The following CYSLTR2 variants were observed in gnomAD, a reference collection of about 807,000 sequenced individuals.
CYSLTR2 encodes cysteinyl leukotriene receptor 2, also known as G-protein coupled receptor GPCR21.
For missense variants in CYSLTR2, 398 were observed against 411.9 expected, an observed-to-expected ratio of 0.97 and a Z score of 0.29; for synonymous variants, 179 against 160.8, an observed-to-expected ratio of 1.11 and a Z score of -0.86.
intron 1 of CYSLTR2, among the ~76,000 whole-genome samples, chr13:48,662,285 C>G (rs1486847569): frequency 2.0e-5 from 3 of 152,152 alleles, no homozygotes; most frequent in Non-Finnish European, 4.4e-5. Context: ...GATTCCATAA[C>G]TTGGCTATTG....
intron 1 of CYSLTR2, among the ~76,000 whole-genome samples, chr13:48,662,280 C>T (rs1445253766): frequency 6.6e-6 from 1 of 152,134 alleles, no homozygotes; most frequent in Non-Finnish European, 1.5e-5. Flanking sequence ...AGGTTGATTC[C>T]ATAACTTGGC....
At chr13:48,688,084 A>G (rs542300586) in intron 1 of CYSLTR2, among the ~76,000 whole-genome samples, 5 of 152,292 alleles carry the variant, frequency 3.3e-5, no homozygotes, top group Admixed American at 3.3e-4. Flanking sequence ...CTCAAGGATC[A>G]GAGTTTGCTG....
At chr13:48,675,288 A>T (rs1185709100) in intron 1 of CYSLTR2, among the ~76,000 whole-genome samples, 2 of 152,142 alleles carry the variant, frequency 1.3e-5, no homozygotes, top group Admixed American at 1.3e-4. Context: ...TGGGAGCTTT[A>T]TCTATAAGCC....
chr13:48,706,619 A>C (rs1594031627), intron 4 of CYSLTR2, 198 bp from the exon 5 acceptor site: 1 of 528,000 alleles, frequency 1.9e-6, no homozygotes, highest in East Asian at 3.2e-5. Context: ...ACATTCAAAA[A>C]TCAGGAAATT....
At chr13:48,666,569 T>A (rs1953266489) in intron 1 of CYSLTR2, among the ~76,000 whole-genome samples, 2 of 152,162 alleles carry the variant, frequency 1.3e-5, no homozygotes, top group South Asian at 4.1e-4. Flanking sequence ...GTCCGATAAA[T>A]CCTGTAAGCT....
At chr13:48,704,676 T>G (rs1391142150) in intron 4 of CYSLTR2, among the ~76,000 whole-genome samples, 2 of 152,214 alleles carry the variant, frequency 1.3e-5, no homozygotes, top group Admixed American at 6.5e-5. Flanking sequence ...TATTTTTTGT[T>G]TCCCTTGAGA....
chr13:48,664,458 G>A (rs1953209688), intron 1 of CYSLTR2, among the ~76,000 whole-genome samples: 1 of 152,008 alleles, frequency 6.6e-6, no homozygotes, highest in South Asian at 2.1e-4. Flanking sequence ...AAGCCATCTG[G>A]TGTTTCTTTT....
intron 1 of CYSLTR2, among the ~76,000 whole-genome samples, chr13:48,668,426 T>C (rs980723276): frequency 1.3e-5 from 2 of 151,922 alleles, no homozygotes; most frequent in Admixed American, 1.3e-4. Flanking sequence ...GGAATAGGCA[T>C]AAAGAAGTGC....
chr13:48,668,280 G>A (rs1399878187), intron 1 of CYSLTR2, among the ~76,000 whole-genome samples: 2 of 152,060 alleles, frequency 1.3e-5, no homozygotes, highest in Admixed American at 6.6e-5. Flanking sequence ...TTGCTAAGGT[G>A]ATCTGCAGAA....
At chr13:48,667,633 A>G (rs1040666581) in intron 1 of CYSLTR2, among the ~76,000 whole-genome samples, 1 of 152,178 alleles carries the variant, frequency 6.6e-6, no homozygotes, top group African/African-American at 2.4e-5. Flanking sequence ...TTTGCTGGGC[A>G]TGACCTATGG....
intron 3 of CYSLTR2, among the ~76,000 whole-genome samples, chr13:48,695,106 A>C (rs1370102897): frequency 3.7e-5 from 3 of 81,306 alleles, no homozygotes; most frequent in African/African-American, 1.1e-4. Context: ...TCAGAGTCTC[A>C]CTCCATCACC....
chr13:48,686,641 T>C lies in CYSLTR2; in HGVS notation c.-265-4571T>C, dbSNP rs147135610. On this transcript the variant is annotated intron_variant, in intron 1 of 4. Transcript: ENST00000682523. Reference sequence around the variant, plus strand: ...CAGTCATGGGCTGCTCCGTAGTATTTATACAGGTGCAGCAAGAAGTGGTTA... The same window carrying C: ...CAGTCATGGGCTGCTCCGTAGTATTCATACAGGTGCAGCAAGAAGTGGTTA... Among the ~76,000 whole-genome samples, 351 of 152,294 alleles carry C rather than the reference T, an allele frequency of 2.3e-3. 2 individuals are homozygous for C. The highest frequency in any genetic ancestry group is 7.3e-3 in the African/African-American group (302 of 41,546).
chr13:48,670,530 A>G (rs1400018308), intron 1 of CYSLTR2, among the ~76,000 whole-genome samples: 3 of 152,222 alleles, frequency 2.0e-5, no homozygotes, highest in Non-Finnish European at 4.4e-5. Context: ...TTTATTAAAT[A>G]GGAAATCCCT....
At chr13:48,687,335 C>A (rs1220425453) in intron 1 of CYSLTR2, among the ~76,000 whole-genome samples, 1 of 151,892 alleles carries the variant, frequency 6.6e-6, no homozygotes, top group Non-Finnish European at 1.5e-5. Context: ...CTCCTCTCAT[C>A]TATCTATCTA....
intron 4 of CYSLTR2, 24 bp from the exon 5 acceptor site, chr13:48,706,793 T>C: frequency 6.4e-7 from 1 of 1,567,986 alleles, no homozygotes; most frequent in Middle Eastern, 1.7e-4. Context: ...AGTAACTTTT[T>C]GTGTCTGTTT....
intron 3 of CYSLTR2, among the ~76,000 whole-genome samples, chr13:48,695,254 TC>T (rs1247444579): frequency 4.4e-4 from 67 of 151,606 alleles, no homozygotes; most frequent in African/African-American, 1.5e-3. Flanking sequence ...TTTTTCATTT[TC>T]TTTTTTTTTC....
chr13:48,696,869 G>A (rs1234686073), intron 4 of CYSLTR2, among the ~76,000 whole-genome samples: 2 of 151,324 alleles, frequency 1.3e-5, no homozygotes, highest in African/African-American at 2.5e-5. Flanking sequence ...AGGGTCCCAC[G>A]CCCGGCTCGG....
intron 1 of CYSLTR2, among the ~76,000 whole-genome samples, chr13:48,663,108 C>T (rs1457346853): frequency 2.0e-5 from 3 of 152,042 alleles, no homozygotes; most frequent in Non-Finnish European, 4.4e-5. Context: ...CTGTCTTTTC[C>T]CCAATGAGTA....
intron 1 of CYSLTR2, among the ~76,000 whole-genome samples, chr13:48,670,177 G>T (rs1316802232): frequency 3.3e-5 from 5 of 152,066 alleles, no homozygotes; most frequent in Admixed American, 2.0e-4. Context: ...CTGGATATTA[G>T]CCCTTTGTCA....
Sources: gnomAD v4.1 joint callset for allele counts (sites outside exome capture counted in the v4.1 genomes callset) on GRCh38, gnomAD v4.1.1 for gene constraint, MANE v1.5 for transcripts, NCBI Gene and HGNC (gene_info 2026-07-23, HGNC 2026-07-21) for gene names.